The following CCSER1 variants were observed in gnomAD, a reference collection of about 807,000 sequenced individuals.
The protein encoded by CCSER1 is serine-rich coiled-coil domain-containing protein 1.
In CCSER1, 41 loss-of-function variants were observed where a neutral mutation model predicts 82.0. The observed-to-expected ratio is 0.50, with a 90% confidence interval of 0.39 to 0.65. The LOEUF is 0.65. CCSER1 is among the 30% of genes least tolerant of loss of function. The probability of loss-of-function intolerance (pLI) is 0.00; values close to 1 mark genes in which losing one functional copy is unlikely to be tolerated. For missense variants in CCSER1, 1,119 were observed against 1,064.2 expected (o/e 1.05, Z -0.72); for synonymous variants, 414 against 383.9 (o/e 1.08, Z -0.92).
At chr4:91,074,257 A>T (rs1335205664) in intron 9 of CCSER1, among the ~76,000 whole-genome samples, 1 of 152,256 alleles carries the variant, frequency 6.6e-6, no homozygotes. Flanking sequence ...TCAGAATTAA[A>T]TTAATCCAGG....
intron 10 of CCSER1, among the ~76,000 whole-genome samples, chr4:91,388,009 G>C (rs1271232431): frequency 6.6e-6 from 1 of 151,606 alleles, no homozygotes; most frequent in East Asian, 1.9e-4. Context: ...GTAACAATTA[G>C]TTCACCCTAT....
intron 10 of CCSER1, among the ~76,000 whole-genome samples, chr4:91,282,355 G>A (rs1285109635): frequency 6.6e-6 from 1 of 152,126 alleles, no homozygotes; most frequent in East Asian, 1.9e-4. Flanking sequence ...GTCTATTCAA[G>A]ATTCTGTCTT....
intron 10 of CCSER1, among the ~76,000 whole-genome samples, chr4:91,551,226 A>G (rs905447987): frequency 3.3e-5 from 5 of 152,110 alleles, no homozygotes; most frequent in African/African-American, 7.2e-5. Context: ...TTGAAAGGCA[A>G]TACTTATGTT....
intron 1 of CCSER1, among the ~76,000 whole-genome samples, chr4:90,156,476 T>TA (rs1215458698): frequency 6.6e-6 from 1 of 152,214 alleles, no homozygotes; most frequent in Non-Finnish European, 1.5e-5. Context: ...AGTGGGGCGT[T>TA]AAAGTCTCCC....
At chr4:90,195,642 G>A (rs1335915905) in intron 1 of CCSER1, among the ~76,000 whole-genome samples, 1 of 152,122 alleles carries the variant, frequency 6.6e-6, no homozygotes, top group Non-Finnish European at 1.5e-5. Flanking sequence ...CTGTGCATGT[G>A]TAGGAGCAGG....
At chr4:90,656,162 A>G (rs1729665019) in intron 6 of CCSER1, among the ~76,000 whole-genome samples, 1 of 151,892 alleles carries the variant, frequency 6.6e-6, no homozygotes, top group African/African-American at 2.4e-5. Context: ...TTAACAATTA[A>G]TATTTTTGAA....
chr4:91,416,652 T>A (rs1203432875), intron 10 of CCSER1, among the ~76,000 whole-genome samples: 1 of 152,208 alleles, frequency 6.6e-6, no homozygotes, highest in Admixed American at 6.5e-5. Context: ...GCTAGCCATA[T>A]GCAGGAAATT....
chr4:91,521,233 C>G (rs953562003), intron 10 of CCSER1, among the ~76,000 whole-genome samples: 2 of 152,302 alleles, frequency 1.3e-5, no homozygotes, highest in African/African-American at 4.8e-5. Flanking sequence ...TTTATGGCTG[C>G]ATAGTATTCC....
intron 7 of CCSER1, among the ~76,000 whole-genome samples, chr4:90,801,824 A>G (rs1431027781): frequency 2.6e-5 from 4 of 152,244 alleles, no homozygotes; most frequent in Non-Finnish European, 5.9e-5. Context: ...TATAATGTCT[A>G]AGAATCATTT....
chr4:90,224,533 A>G (rs1216634609), intron 1 of CCSER1, among the ~76,000 whole-genome samples: 1 of 152,226 alleles, frequency 6.6e-6, no homozygotes, highest in African/African-American at 2.4e-5. Context: ...GTCTATTATA[A>G]CATATTTTTT....
chr4:91,297,787 A>G (rs553924580), intron 10 of CCSER1, among the ~76,000 whole-genome samples: 1 of 152,064 alleles, frequency 6.6e-6, no homozygotes, highest in East Asian at 2.0e-4. Context: ...AAAGGAAAAT[A>G]CCATGTATAA....
chr4:91,000,889 C>G (rs1737978098), intron 9 of CCSER1, among the ~76,000 whole-genome samples: 1 of 151,992 alleles, frequency 6.6e-6, no homozygotes, highest in African/African-American at 2.4e-5. Context: ...TTGAATTCTT[C>G]CTTTCCTATT....
In CCSER1 at chr4:90,704,973, C is replaced by T. The variant is rs371941152; in HGVS notation, c.1933-18941C>T. On this transcript the variant is annotated intron_variant, in intron 6 of 10. Coordinates refer to ENST00000509176, the MANE Select transcript of CCSER1 (RefSeq NM_001145065.2). ...CATCTTAAGCCTTCTTTTCTCAACT[C>T]GTCAAAGTCATTCTCCATCCAGCTT... Among the ~76,000 whole-genome samples, 9 of 152,294 alleles carry T rather than the reference C, an allele frequency of 5.9e-5. No homozygotes were observed. The South Asian group carries it at 1.7e-3, about 28-fold the overall frequency.
chr4:91,491,948 G>GTTTT (rs10717215), intron 10 of CCSER1, among the ~76,000 whole-genome samples: 6 of 124,570 alleles, frequency 4.8e-5, no homozygotes, highest in South Asian at 5.0e-4. Flanking sequence ...ATTGCTAATA[G>GTTTT]TTTTTTTTTT....
At chr4:90,230,410 T>C (rs1744229080) in intron 1 of CCSER1, among the ~76,000 whole-genome samples, 1 of 151,726 alleles carries the variant, frequency 6.6e-6, no homozygotes, top group African/African-American at 2.4e-5. Flanking sequence ...ATAAAGATGT[T>C]CTTTGAAACC....
intron 10 of CCSER1, among the ~76,000 whole-genome samples, chr4:91,347,871 T>TG (rs397815397): frequency 6.6e-6 from 1 of 151,608 alleles, no homozygotes; most frequent in South Asian, 2.1e-4. Context: ...GTTTTTTTTT[T>TG]GTCAATTCTC....
chr4:90,812,817 T>A (rs1427554202), intron 7 of CCSER1, among the ~76,000 whole-genome samples: 2 of 152,090 alleles, frequency 1.3e-5, no homozygotes, highest in Non-Finnish European at 2.9e-5. Flanking sequence ...ACTGCCACTT[T>A]TAAGCCATCA....
chr4:90,291,850 T>C (rs1730997530), intron 1 of CCSER1, among the ~76,000 whole-genome samples: 1 of 151,960 alleles, frequency 6.6e-6, no homozygotes, highest in Admixed American at 6.6e-5. Context: ...GCCACCAATT[T>C]AAAACTTATT....
At chr4:90,398,571 G>A (rs967787277) in intron 3 of CCSER1, among the ~76,000 whole-genome samples, 1 of 151,992 alleles carries the variant, frequency 6.6e-6, no homozygotes, top group African/African-American at 2.4e-5. Flanking sequence ...ATGTTTTGTT[G>A]TTGTTGTTTT....
Sources: allele counts gnomAD v4.1 joint callset (sites outside exome capture counted in the v4.1 genomes callset), GRCh38; gene constraint gnomAD v4.1.1; transcripts MANE v1.5; gene names NCBI Gene and HGNC (gene_info 2026-07-23, HGNC 2026-07-21).